RBFOX1: variants seen among roughly 807,000 people sequenced by gnomAD.
RBFOX1 encodes RNA binding fox-1 homolog 1.
A neutral mutation model predicts 57.7 loss-of-function variants in RBFOX1; 8 were observed. The ratio of observed to expected loss-of-function variants is 0.14; its 90% CI spans 0.08 to 0.25. RBFOX1 has a LOEUF of 0.25. Among genes scored for constraint, RBFOX1 ranks in the 10% least tolerant of loss-of-function variants. RBFOX1 has a pLI of 1.00. For synonymous variants in RBFOX1, 326 were observed against 222.4 expected (o/e 1.47, Z -4.15); for missense variants, 611 against 548.5 (o/e 1.11, Z -1.14).
intron 3 of RBFOX1, among the ~76,000 whole-genome samples, chr16:6,892,770 GTCTCCCTCTCTCTCTCTC>G (rs1336611460): frequency 0.021 from 1,934 of 91,810 alleles, 51 homozygotes; most frequent in African/African-American, 0.033. Flanking sequence ...AAGCCTCCCT[GTCTCCCTCTCTCTCTCTC>G]TCTCTCTCTC....
chr16:7,542,113 G>C (rs2083117389), intron 5 of RBFOX1, among the ~76,000 whole-genome samples: 1 of 152,186 alleles, frequency 6.6e-6, no homozygotes, highest in African/African-American at 2.4e-5. Context: ...TGGCAGATGA[G>C]ATTGTGATGA....
chr16:6,947,300 C>A (rs1417340450), intron 3 of RBFOX1, among the ~76,000 whole-genome samples: 2 of 152,100 alleles, frequency 1.3e-5, no homozygotes, highest in Non-Finnish European at 2.9e-5. Context: ...GTCACCCTTC[C>A]CACAGGTAGG....
At chr16:6,888,776 G>A (rs374732541) in intron 3 of RBFOX1, among the ~76,000 whole-genome samples, 2 of 152,194 alleles carry the variant, frequency 1.3e-5, no homozygotes, top group South Asian at 2.1e-4. Flanking sequence ...AAGATTAACC[G>A]AAGAATTTTA....
intron 1 of RBFOX1, among the ~76,000 whole-genome samples, chr16:6,189,002 G>C (rs117357570): frequency 3.1e-3 from 473 of 152,284 alleles, no homozygotes; most frequent in Non-Finnish European, 5.1e-3. Context: ...TGAAATATTT[G>C]AACATGTTTA....
intron 3 of RBFOX1, among the ~76,000 whole-genome samples, chr16:6,906,812 T>A (rs973176861): frequency 1.3e-5 from 2 of 151,292 alleles, no homozygotes; most frequent in Non-Finnish European, 2.9e-5. Flanking sequence ...AACCTCTACC[T>A]CCTGGGTTCA....
intron 11 of RBFOX1, among the ~76,000 whole-genome samples, chr16:7,633,037 C>A (rs775513308): frequency 2.0e-5 from 3 of 152,056 alleles, no homozygotes; most frequent in Non-Finnish European, 4.4e-5. Context: ...AAAATGAAAC[C>A]ATCTAAAGCG....
chr16:6,581,417 C>A (rs1234270255), intron 2 of RBFOX1, among the ~76,000 whole-genome samples: 2 of 152,212 alleles, frequency 1.3e-5, no homozygotes, highest in Non-Finnish European at 2.9e-5. Flanking sequence ...CTGTTGGCAG[C>A]TGGTACAGGC....
chr16:7,279,768 C>T (rs758258060), intron 4 of RBFOX1, among the ~76,000 whole-genome samples: 1 of 152,226 alleles, frequency 6.6e-6, no homozygotes, highest in Non-Finnish European at 1.5e-5. Context: ...GGAAAGAGCT[C>T]ATAGTTCCTC....
intron 1 of RBFOX1, among the ~76,000 whole-genome samples, chr16:5,279,516 T>C (rs1451116828): frequency 6.6e-6 from 1 of 152,208 alleles, no homozygotes; most frequent in Non-Finnish European, 1.5e-5. Context: ...ATTTTTTATT[T>C]TTTGAGATAG....
At chr16:7,273,336 T>C (rs1202333013) in intron 4 of RBFOX1, among the ~76,000 whole-genome samples, 1 of 151,816 alleles carries the variant, frequency 6.6e-6, no homozygotes, top group African/African-American at 2.4e-5. Flanking sequence ...CTGCTGTGTC[T>C]TTAGGATGCT....
At chr16:6,883,601 C>G (rs116468749) in intron 3 of RBFOX1, among the ~76,000 whole-genome samples, 1 of 152,322 alleles carries the variant, frequency 6.6e-6, no homozygotes, top group African/African-American at 2.4e-5. Context: ...GTAACACCCT[C>G]AAGCTGTTCT....
intron 1 of RBFOX1, among the ~76,000 whole-genome samples, chr16:6,197,613 G>A (rs1315736241): frequency 6.7e-6 from 1 of 150,370 alleles, no homozygotes; most frequent in Non-Finnish European, 1.5e-5. Flanking sequence ...AGGATCACCT[G>A]TTTGGTGCAC....
At chr16:7,595,897 T>C (rs1195116714) in intron 8 of RBFOX1, among the ~76,000 whole-genome samples, 1 of 151,062 alleles carries the variant, frequency 6.6e-6, no homozygotes, top group Non-Finnish European at 1.5e-5. Context: ...AATCGGAAAG[T>C]GTTTTTTTGT....
At chr16:5,521,741 G>A (rs1366530886) in intron 2 of RBFOX1, among the ~76,000 whole-genome samples, 1 of 152,208 alleles carries the variant, frequency 6.6e-6, no homozygotes. Flanking sequence ...ATGATCTCCT[G>A]TTCACACAAT....
intron 14 of RBFOX1, among the ~76,000 whole-genome samples, chr16:7,707,253 C>G (rs915668679): frequency 3.3e-5 from 5 of 152,108 alleles, no homozygotes; most frequent in African/African-American, 7.2e-5. Context: ...TTTATTCCAC[C>G]TAGGGTCTAA....
chr16:6,182,960 G>A (rs1301042081), intron 1 of RBFOX1, among the ~76,000 whole-genome samples: 1 of 152,076 alleles, frequency 6.6e-6, no homozygotes, highest in Non-Finnish European at 1.5e-5. Flanking sequence ...GTAGTATGGG[G>A]CGAAGGATGA....
At chr16:7,221,773 A>C (rs12051166) in intron 4 of RBFOX1, among the ~76,000 whole-genome samples, 59,957 of 152,100 alleles carry the variant, frequency 0.39, 12,312 homozygotes, top group East Asian at 0.66. Flanking sequence ...TTGTTATTCT[A>C]CCAGAATGGT....
intron 3 of RBFOX1, among the ~76,000 whole-genome samples, chr16:5,843,499 G>C (rs1850708838): frequency 6.6e-6 from 1 of 152,158 alleles, no homozygotes; most frequent in African/African-American, 2.4e-5. Context: ...GTATTCCATG[G>C]ATACATGGAA....
Position 6,503,348 on chromosome 16 carries a change from C to G in RBFOX1, c.-63-151255C>G, listed in dbSNP as rs955944558. ...AGGAGATTGTAGAAGCCTGGGGAGT[C>G]ATAGCACTCTTGTTCTTGTAACAGT... On this transcript the variant is annotated intron_variant, in intron 2 of 15. Transcript: ENST00000550418. Among the ~76,000 whole-genome samples the G allele has an allele frequency of 8.2e-4, 125 of 152,302 alleles. 1 individual carries two copies. The highest frequency in any genetic ancestry group is 2.8e-3 in the African/African-American group (116 of 41,572).
Sources: allele counts gnomAD v4.1 joint callset (sites outside exome capture counted in the v4.1 genomes callset), GRCh38; gene constraint gnomAD v4.1.1; transcripts MANE v1.5; gene names NCBI Gene and HGNC (gene_info 2026-07-23, HGNC 2026-07-21).